NTM: variants seen among roughly 807,000 people sequenced by gnomAD.
NTM encodes the protein IgLON family member 2.
In NTM, 13 loss-of-function variants were observed where a neutral mutation model predicts 42.1. The ratio of observed to expected loss-of-function variants is 0.31; its 90% CI spans 0.20 to 0.49. The LOEUF is 0.49. Ranked by LOEUF, NTM falls within the 20% of genes least tolerant of loss-of-function variation. The pLI is 0.99. For missense variants in NTM, 373 were observed against 452.8 expected (o/e 0.82, Z 1.60); for synonymous variants, 187 against 179.2 (o/e 1.04, Z -0.35).
At chr11:131,896,979 C>G (rs1247539585) in intron 1 of NTM, 2 of 152,256 alleles carry the variant, frequency 1.3e-5, no homozygotes, top group Non-Finnish European at 2.9e-5. Context: ...TGAGCCACCG[C>G]GCCCGGCCTA....
chr11:131,422,766 C>T (rs1416720643), intron 1 of NTM, among the ~76,000 whole-genome samples: 2 of 152,182 alleles, frequency 1.3e-5, no homozygotes, highest in Non-Finnish European at 2.9e-5. Flanking sequence ...TTACTCCTTC[C>T]TCCTACACTT....
chr11:131,389,414 C>T (rs148100127), intron 1 of NTM, among the ~76,000 whole-genome samples: 40 of 152,264 alleles, frequency 2.6e-4, no homozygotes, highest in African/African-American at 7.7e-4. Context: ...GCCTGGCGGG[C>T]GGCAGAAGAA....
chr11:131,609,539 C>T lies in NTM; in HGVS notation c.82+238651C>T, dbSNP rs935300227. Among the ~76,000 whole-genome samples, 6 of 152,168 alleles carry T rather than the reference C, an allele frequency of 3.9e-5. No homozygotes were observed. In the South Asian group the frequency reaches 6.2e-4, roughly 16 times the overall value. On this transcript the variant is annotated intron_variant, in intron 1 of 8. Transcript: ENST00000683400. ...ACTGTGACTCAGTCTGGGTTTCCATCGCAGGCTTGGACTTAATCCCGAGAA... is the reference window on the plus strand; with the variant it reads ...ACTGTGACTCAGTCTGGGTTTCCATTGCAGGCTTGGACTTAATCCCGAGAA...
intron 4 of NTM, 119 bp from the exon 5 acceptor site, chr11:132,307,570 T>C: frequency 7.1e-7 from 1 of 1,403,240 alleles, no homozygotes; most frequent in Non-Finnish European, 9.7e-7. Flanking sequence ...CCTCAGAATC[T>C]GAACTTACAA....
rs111331025 is a variant in NTM, at chr11:131,564,443, G to T, written c.82+193555G>T. Among the ~76,000 whole-genome samples, 7 of 146,266 alleles carry T rather than the reference G, an allele frequency of 4.8e-5. No homozygotes were observed. In the South Asian group the frequency reaches 1.5e-3, roughly 31 times the overall value. On this transcript the variant is annotated intron_variant, in intron 1 of 8. Coordinates refer to ENST00000683400, the MANE Select transcript of NTM (RefSeq NM_001352005.2). Reference sequence around the variant, plus strand: ...CATAGTAGAGGGATAGGGTGGGTAGGGGGAGAGAGAGAGGGAGGGAGAGAG... The same window carrying T: ...CATAGTAGAGGGATAGGGTGGGTAGTGGGAGAGAGAGAGGGAGGGAGAGAG...
chr11:131,550,907 A>G (rs2054578202), intron 1 of NTM, among the ~76,000 whole-genome samples: 1 of 152,192 alleles, frequency 6.6e-6, no homozygotes, highest in Admixed American at 6.5e-5. Context: ...GAAGTTACCG[A>G]GACTTCCAAG....
chr11:132,089,722 T>G (rs1458812997), intron 2 of NTM, among the ~76,000 whole-genome samples: 1 of 152,212 alleles, frequency 6.6e-6, no homozygotes, highest in Non-Finnish European at 1.5e-5. Context: ...GCGTCAGTGA[T>G]TTCACCATTT....
intron 1 of NTM, among the ~76,000 whole-genome samples, chr11:131,777,611 A>C (rs1189173685): frequency 4.6e-5 from 7 of 151,940 alleles, no homozygotes; most frequent in African/African-American, 1.2e-4. Context: ...CCCAAACCCC[A>C]AAATTTTACC....
At chr11:131,752,986 A>G (rs919513738) in intron 1 of NTM, among the ~76,000 whole-genome samples, 5 of 152,146 alleles carry the variant, frequency 3.3e-5, no homozygotes, top group African/African-American at 4.8e-5. Context: ...TTCTCAACCT[A>G]CCCATCTGAC....
intron 1 of NTM, among the ~76,000 whole-genome samples, chr11:131,529,668 A>G (rs967995174): frequency 1.3e-5 from 2 of 152,234 alleles, no homozygotes; most frequent in Non-Finnish European, 2.9e-5. Flanking sequence ...TATTTATACA[A>G]GAAAGATAAA....
intron 2 of NTM, among the ~76,000 whole-genome samples, chr11:132,074,116 G>T (rs1403941849): frequency 6.6e-6 from 1 of 152,194 alleles, no homozygotes; most frequent in Non-Finnish European, 1.5e-5. Context: ...CCAGATAATG[G>T]GTTGTTTGGA....
intron 3 of NTM, among the ~76,000 whole-genome samples, chr11:132,210,038 C>G (rs1224851938): frequency 6.6e-6 from 1 of 152,128 alleles, no homozygotes; most frequent in Admixed American, 6.6e-5. Flanking sequence ...AGAGGCAAGA[C>G]CAGCATTAAA....
chr11:132,107,962 T>A (rs1378700279), intron 2 of NTM, among the ~76,000 whole-genome samples: 1 of 152,238 alleles, frequency 6.6e-6, no homozygotes, highest in East Asian at 1.9e-4. Flanking sequence ...TCCTGACTTA[T>A]AGGTATAGTG....
At chr11:131,724,733 A>G (rs547664792) in intron 1 of NTM, among the ~76,000 whole-genome samples, 1 of 152,312 alleles carries the variant, frequency 6.6e-6, no homozygotes, top group African/African-American at 2.4e-5. Flanking sequence ...AAGGGCACTC[A>G]TAAATTATAG....
At chr11:132,107,509 T>C (rs561624610) in intron 2 of NTM, among the ~76,000 whole-genome samples, 2 of 151,332 alleles carry the variant, frequency 1.3e-5, no homozygotes, top group South Asian at 4.2e-4. Context: ...CCACTATGCC[T>C]GGCTAATCTT....
At position 131,693,846 on chromosome 11, in the gene NTM, G is replaced by A. The variant is rs372447706; in HGVS notation, c.83-217718G>A. ...CCATAATTGATTAGAAACTGGAAGC[G>A]AGAGAGGAGAAGCTGCTTTTACAGC... On this transcript the variant is annotated intron_variant, in intron 1 of 8. Transcript: ENST00000683400. Among the ~76,000 whole-genome samples the A allele has an allele frequency of 1.5e-4, 23 of 152,306 alleles. No individual in the cohort carries two copies. The East Asian group carries it at 2.5e-3, about 17-fold the overall frequency.
At chr11:131,621,636 CAAAAA>C (rs527788930) in intron 1 of NTM, among the ~76,000 whole-genome samples, 1 of 98,998 alleles carries the variant, frequency 1.0e-5, no homozygotes, top group Admixed American at 1.4e-4. Flanking sequence ...CCTATCTTTA[CAAAAA>C]AAAAAAAAAA....
At chr11:131,846,613 T>A (rs1437652856) in intron 1 of NTM, among the ~76,000 whole-genome samples, 1 of 152,194 alleles carries the variant, frequency 6.6e-6, no homozygotes, top group African/African-American at 2.4e-5. Context: ...AATTTGAGTA[T>A]GAATGAAATT....
chr11:131,370,961 TC>T, intron 1 of NTM, 73 bp downstream of exon 1: 1 of 1,596,676 alleles, frequency 6.3e-7, no homozygotes, highest in South Asian at 1.1e-5. Flanking sequence ...ATTTGCAGAC[TC>T]CCCGAGTCGG....
Sources: allele counts gnomAD v4.1 joint callset (sites outside exome capture counted in the v4.1 genomes callset), GRCh38; gene constraint gnomAD v4.1.1; transcripts MANE v1.5; gene names NCBI Gene and HGNC (gene_info 2026-07-23, HGNC 2026-07-21).